Variants in KCNN2 observed in about 807,000 individuals in gnomAD.
KCNN2 encodes the protein small conductance calcium-activated potassium channel protein 2.
A neutral mutation model predicts 55.5 loss-of-function variants in KCNN2; 24 were observed. The observed-to-expected ratio is 0.43, with a 90% CI of 0.31 to 0.61. The LOEUF is 0.61. KCNN2 is among the 20% of genes least tolerant of loss of function. KCNN2 has a pLI of 0.08. For synonymous variants in KCNN2, 431 were observed against 336.1 expected, an observed-to-expected ratio of 1.28 and a Z score of -3.09; for missense variants, 754 against 853.6, an observed-to-expected ratio of 0.88 and a Z score of 1.45.
intron 2 of KCNN2, among the ~76,000 whole-genome samples, chr5:114,278,148 C>T (rs1250499512): frequency 3.9e-5 from 6 of 152,150 alleles, no homozygotes; most frequent in Non-Finnish European, 8.8e-5. Flanking sequence ...CACTCCAGAC[C>T]CTGTTTTCCT....
intron 3 of KCNN2, among the ~76,000 whole-genome samples, chr5:114,430,382 T>C (rs965257410): frequency 3.9e-5 from 6 of 152,072 alleles, no homozygotes; most frequent in Non-Finnish European, 8.8e-5. Flanking sequence ...CTAATGTAAA[T>C]GGTGTTGTGT....
chr5:114,402,737 G>C (rs942627636), intron 2 of KCNN2, among the ~76,000 whole-genome samples: 2 of 152,344 alleles, frequency 1.3e-5, no homozygotes, highest in Non-Finnish European at 1.5e-5. Context: ...AGGTGACTCT[G>C]AGGGGTCAGC....
At chr5:114,133,150 A>G (rs1752104752) in intron 1 of KCNN2, among the ~76,000 whole-genome samples, 1 of 152,208 alleles carries the variant, frequency 6.6e-6, no homozygotes, top group African/African-American at 2.4e-5. Context: ...CATTAGTTGG[A>G]GACTGATAAT....
At chr5:114,056,413 C>T (rs1750208431) in exon 1 of KCNN2, 2 of 398,520 alleles carry the variant, frequency 5.0e-6, no homozygotes, top group South Asian at 1.3e-4. Flanking sequence ...TCAGCTTTGT[C>T]CACTGGCGCA....
chr5:114,477,605 TATTTAATAG>T (rs1243341532), intron 5 of KCNN2, among the ~76,000 whole-genome samples: 1 of 152,208 alleles, frequency 6.6e-6, no homozygotes, highest in Non-Finnish European at 1.5e-5. Context: ...CAGGACCAGC[TATTTAATAG>T]ATTTACAGTT....
At chr5:114,148,248 G>C (rs944568715) in intron 1 of KCNN2, among the ~76,000 whole-genome samples, 1 of 152,136 alleles carries the variant, frequency 6.6e-6, no homozygotes, top group African/African-American at 2.4e-5. Flanking sequence ...AATCGTGGAG[G>C]GGGAGGGCAT....
intron 2 of KCNN2, among the ~76,000 whole-genome samples, chr5:114,319,293 G>T (rs1187498816): frequency 2.6e-5 from 4 of 152,120 alleles, no homozygotes; most frequent in Non-Finnish European, 5.9e-5. Context: ...TCCCTGCAGG[G>T]AGGCTTCTTA....
intron 1 of KCNN2, among the ~76,000 whole-genome samples, chr5:114,093,251 T>G (rs1751186575): frequency 6.6e-6 from 1 of 152,198 alleles, no homozygotes; most frequent in African/African-American, 2.4e-5. Context: ...TGACCTTTGA[T>G]TCAGTTCCCA....
chr5:114,383,974 A>C (rs539198667), intron 2 of KCNN2, among the ~76,000 whole-genome samples: 64 of 152,342 alleles, frequency 4.2e-4, no homozygotes, highest in African/African-American at 1.5e-3. Flanking sequence ...TGCTAGGTAC[A>C]TTATACACAT....
intron 1 of KCNN2, among the ~76,000 whole-genome samples, chr5:114,092,659 C>T (rs1250235559): frequency 6.6e-6 from 1 of 152,226 alleles, no homozygotes; most frequent in East Asian, 1.9e-4. Flanking sequence ...TTCCTTACAT[C>T]CTCTGAAATC....
At chr5:114,244,882 G>A (rs1478291922) in intron 2 of KCNN2, among the ~76,000 whole-genome samples, 2 of 152,098 alleles carry the variant, frequency 1.3e-5, no homozygotes, top group South Asian at 2.1e-4. Flanking sequence ...TTAATAGGGT[G>A]CTTCTCTTTT....
chr5:114,151,912 C>G (rs186740341), intron 1 of KCNN2, among the ~76,000 whole-genome samples: 40 of 152,260 alleles, frequency 2.6e-4, no homozygotes, highest in African/African-American at 8.7e-4. Flanking sequence ...AATGTTAACA[C>G]TGTACCTTTA....
At chr5:114,309,997 T>C (rs895874982) in intron 2 of KCNN2, among the ~76,000 whole-genome samples, 1 of 152,210 alleles carries the variant, frequency 6.6e-6, no homozygotes, top group African/African-American at 2.4e-5. Context: ...AAGACTTTCC[T>C]TACTCCTCTC....
intron 2 of KCNN2, among the ~76,000 whole-genome samples, chr5:114,314,006 G>A (rs969312450): frequency 4.0e-5 from 6 of 151,840 alleles, no homozygotes; most frequent in East Asian, 1.9e-4. Flanking sequence ...TTTCTTTTTC[G>A]GTTTGATCAA....
chr5:114,376,070 G>A (rs553091723), intron 2 of KCNN2, among the ~76,000 whole-genome samples: 8 of 149,930 alleles, frequency 5.3e-5, no homozygotes, highest in Non-Finnish European at 1.0e-4. Flanking sequence ...TTTTGACCAC[G>A]TTCTGCGTCT....
chr5:114,216,013 G>A (rs1171009135), intron 1 of KCNN2, among the ~76,000 whole-genome samples: 1 of 151,954 alleles, frequency 6.6e-6, no homozygotes, highest in Admixed American at 6.6e-5. Flanking sequence ...TTATAATATA[G>A]AACTCAACAT....
intron 7 of KCNN2, among the ~76,000 whole-genome samples, chr5:114,495,315 G>A (rs1054441045): frequency 9.9e-5 from 15 of 152,150 alleles, no homozygotes; most frequent in Admixed American, 4.6e-4. Flanking sequence ...ATGGAGAGAG[G>A]CCTGTAATTT....
chr5:114,161,199 G>C (rs1030956079), intron 1 of KCNN2, among the ~76,000 whole-genome samples: 2 of 152,146 alleles, frequency 1.3e-5, no homozygotes, highest in African/African-American at 2.4e-5. Context: ...GGGCAGGCCT[G>C]GTGGTGACAA....
intron 2 of KCNN2, among the ~76,000 whole-genome samples, chr5:114,298,579 A>G (rs1313383901): frequency 6.6e-6 from 1 of 152,242 alleles, no homozygotes; most frequent in Non-Finnish European, 1.5e-5. Flanking sequence ...CAGGATCCAA[A>G]ATTAGGATAT....
Sources: gnomAD v4.1 joint callset for allele counts (sites outside exome capture counted in the v4.1 genomes callset) on GRCh38, gnomAD v4.1.1 for gene constraint, MANE v1.5 for transcripts, NCBI Gene and HGNC (gene_info 2026-07-23, HGNC 2026-07-21) for gene names.